Variants in CSMD1 observed in about 807,000 individuals in gnomAD.
The protein encoded by CSMD1 is CUB and sushi domain-containing protein 1.
In CSMD1, 213 loss-of-function variants were observed where a neutral mutation model predicts 417.5. That is an observed-to-expected ratio of 0.51 (90% CI 0.46 to 0.57). CSMD1 has a LOEUF of 0.57. CSMD1 is among the 20% of genes least tolerant of loss of function. The pLI, the probability that CSMD1 is intolerant of heterozygous loss-of-function variation, is 0.00. For synonymous variants in CSMD1, 2,862 were observed against 1,736.8 expected (o/e 1.65, Z -16.11); for missense variants, 6,923 against 4,529.7 (o/e 1.53, Z -15.17).
rs33939239 is a variant in CSMD1 at position 3,520,020 on chromosome 8, C to CTATA, written c.1345-26298_1345-26295dup. On this transcript the variant is annotated intron_variant, in intron 10 of 69. Coordinates refer to ENST00000635120, the MANE Select transcript of CSMD1 (RefSeq NM_033225.6). ...TATATATGTGTGTGTGTGTATATAC[C>CTATA]TATATATATATATATATATACACGT... Among the ~76,000 whole-genome samples the CTATA allele has an allele frequency of 2.0e-3, 280 of 137,590 alleles. 3 individuals carry two copies. The highest frequency in any genetic ancestry group is 4.8e-3 in the South Asian group (21 of 4,364). The allele number at this position is 137,590 out of a possible 152,430, so 90.3% of individuals were successfully genotyped here. A position where few individuals can be genotyped will look rare whatever the true frequency, so the allele number is the denominator to read the frequency against.
At chr8:3,413,058 G>A (rs761371779) in intron 12 of CSMD1, among the ~76,000 whole-genome samples, 2 of 152,132 alleles carry the variant, frequency 1.3e-5, no homozygotes, top group African/African-American at 2.4e-5. Flanking sequence ...TCAAGCCTCA[G>A]TTTTCACATT....
chr8:4,150,178 C>G (rs974420557), intron 3 of CSMD1, among the ~76,000 whole-genome samples: 1 of 152,144 alleles, frequency 6.6e-6, no homozygotes. Context: ...CAGGTATGTC[C>G]TGAGGCATCT....
At chr8:4,041,620 G>C (rs954282324) in intron 3 of CSMD1, among the ~76,000 whole-genome samples, 2 of 152,064 alleles carry the variant, frequency 1.3e-5, no homozygotes, top group African/African-American at 2.4e-5. Flanking sequence ...ACGCAAAAAA[G>C]TAAGAAGATA....
intron 17 of CSMD1, among the ~76,000 whole-genome samples, chr8:3,395,137 C>A (rs1047825254): frequency 6.6e-6 from 1 of 152,060 alleles, no homozygotes; most frequent in Non-Finnish European, 1.5e-5. Flanking sequence ...TGAAACCCAT[C>A]ATAGTAGACA....
intron 5 of CSMD1, among the ~76,000 whole-genome samples, chr8:3,982,296 G>C (rs1444302038): frequency 6.6e-6 from 1 of 151,672 alleles, no homozygotes; most frequent in Non-Finnish European, 1.5e-5. Flanking sequence ...CCTGAGTTGT[G>C]TGATACAGCA....
chr8:3,985,480 C>T (rs1814252238), intron 5 of CSMD1, among the ~76,000 whole-genome samples: 1 of 152,114 alleles, frequency 6.6e-6, no homozygotes, highest in Non-Finnish European at 1.5e-5. Flanking sequence ...AACATAATTG[C>T]TGCTCAGAAG....
At chr8:3,744,722 A>G (rs115025706) in intron 6 of CSMD1, among the ~76,000 whole-genome samples, 2,443 of 152,334 alleles carry the variant, frequency 0.016, 28 homozygotes, top group South Asian at 0.028. Flanking sequence ...TATGAAATGA[A>G]GAGTCAGTGA....
intron 25 of CSMD1, among the ~76,000 whole-genome samples, chr8:3,295,216 C>T (rs539259673): frequency 6.6e-6 from 1 of 152,086 alleles, no homozygotes; most frequent in African/African-American, 2.4e-5. Flanking sequence ...GCTCTGCCAC[C>T]CGGGTTCATG....
intron 3 of CSMD1, among the ~76,000 whole-genome samples, chr8:4,153,846 A>G (rs575416650): frequency 6.6e-6 from 1 of 152,190 alleles, no homozygotes; most frequent in Non-Finnish European, 1.5e-5. Context: ...GCAAGTGGTG[A>G]CCGTAGCTAT....
At chr8:3,595,804 C>T (rs76393846) in intron 8 of CSMD1, among the ~76,000 whole-genome samples, 1 of 152,294 alleles carries the variant, frequency 6.6e-6, no homozygotes, top group East Asian at 1.9e-4. Context: ...AAAATTAAAT[C>T]CTCACGTTCA....
At chr8:3,288,045 C>G (rs532991268) in intron 25 of CSMD1, among the ~76,000 whole-genome samples, 1 of 147,418 alleles carries the variant, frequency 6.8e-6, no homozygotes, top group South Asian at 2.1e-4. Context: ...GCCTTTTCTG[C>G]ATCTATTGAG....
chr8:3,882,605 G>T (rs1806281184), intron 5 of CSMD1, among the ~76,000 whole-genome samples: 1 of 152,140 alleles, frequency 6.6e-6, no homozygotes, highest in African/African-American at 2.4e-5. Context: ...AGCACTATTT[G>T]TAACCTTTGC....
chr8:3,580,097 C>G (rs745895124), intron 9 of CSMD1, among the ~76,000 whole-genome samples: 5 of 151,570 alleles, frequency 3.3e-5, no homozygotes, highest in Non-Finnish European at 4.4e-5. Context: ...GAGGGAGACT[C>G]TGTCTCAAAA....
At chr8:4,125,742 G>A (rs1348560811) in intron 3 of CSMD1, among the ~76,000 whole-genome samples, 1 of 152,078 alleles carries the variant, frequency 6.6e-6, no homozygotes, top group Non-Finnish European at 1.5e-5. Flanking sequence ...GTTTGACTCT[G>A]AAACAAAATT....
intron 5 of CSMD1, among the ~76,000 whole-genome samples, chr8:3,810,316 A>G (rs987550373): frequency 6.6e-6 from 1 of 152,182 alleles, no homozygotes; most frequent in African/African-American, 2.4e-5. Flanking sequence ...AACCCAAACA[A>G]CCAGAGCCAC....
intron 12 of CSMD1, among the ~76,000 whole-genome samples, chr8:3,433,232 G>A (rs532204725): frequency 3.3e-5 from 5 of 152,154 alleles, no homozygotes; most frequent in Non-Finnish European, 5.9e-5. Flanking sequence ...ACATAGAGAT[G>A]TAGTTACTTT....
intron 12 of CSMD1, among the ~76,000 whole-genome samples, chr8:3,428,215 T>C (rs900220322): frequency 2.0e-5 from 3 of 152,164 alleles, no homozygotes; most frequent in African/African-American, 7.2e-5. Context: ...GTAGAATGAA[T>C]TTCCTTGACT....
In CSMD1 at chr8:3,962,992, G is replaced by A. The variant is rs568338805; in HGVS notation, c.818+34911C>T. Among the ~76,000 whole-genome samples, 44 of 152,110 alleles carry A rather than the reference G, an allele frequency of 2.9e-4. No individual in the cohort carries two copies. In the South Asian group the frequency reaches 4.2e-3, roughly 14 times the overall value. Reference sequence around the variant, plus strand: ...TGCTCCGTCACCCAGGCTGGAGTGCGGTGGAGCAATCTCGGCTCACTGCAA... The same window carrying A: ...TGCTCCGTCACCCAGGCTGGAGTGCAGTGGAGCAATCTCGGCTCACTGCAA... On this transcript the variant is annotated intron_variant, in intron 5 of 69. Transcript: ENST00000635120.
intron 1 of CSMD1, among the ~76,000 whole-genome samples, chr8:4,952,686 T>C (rs1440229426): frequency 6.6e-6 from 1 of 152,080 alleles, no homozygotes; most frequent in Non-Finnish European, 1.5e-5. Context: ...AAGCAAAACA[T>C]GGAATACATT....
Sources: allele counts gnomAD v4.1 joint callset (sites outside exome capture counted in the v4.1 genomes callset), GRCh38; gene constraint gnomAD v4.1.1; transcripts MANE v1.5; gene names NCBI Gene and HGNC (gene_info 2026-07-23, HGNC 2026-07-21).